Variants in RXFP2 observed in about 807,000 individuals in gnomAD.
RXFP2 encodes the protein relaxin receptor 2.
RXFP2 carries 68 observed loss-of-function variants against 88.6 expected under a neutral mutation model. That is an observed-to-expected ratio of 0.77 (90% CI 0.63 to 0.94). The LOEUF (loss-of-function observed/expected upper bound fraction) is 0.94, where lower values mean the gene tolerates loss of function less well. RXFP2 is among the 40% of genes least tolerant of loss of function. RXFP2 has a pLI of 0.00. For synonymous variants in RXFP2, 329 were observed against 306.8 expected (o/e 1.07, Z -0.76); for missense variants, 791 against 893.9 (o/e 0.88, Z 1.47).
At chr13:31,774,215 G>C (rs1872840069) in intron 5 of RXFP2, among the ~76,000 whole-genome samples, 1 of 152,184 alleles carries the variant, frequency 6.6e-6, no homozygotes, top group Non-Finnish European at 1.5e-5. Flanking sequence ...AATAGAATAA[G>C]GATAAATGAG....
chr13:31,771,403 A>G (rs1442671346), intron 5 of RXFP2, among the ~76,000 whole-genome samples: 1 of 152,232 alleles, frequency 6.6e-6, no homozygotes, highest in Non-Finnish European at 1.5e-5. Flanking sequence ...TGTGAACTGC[A>G]CATGCAAGGG....
intron 16 of RXFP2, among the ~76,000 whole-genome samples, chr13:31,795,523 G>C (rs1873990417): frequency 6.6e-6 from 1 of 152,234 alleles, no homozygotes; most frequent in Admixed American, 6.5e-5. Flanking sequence ...TTCTAACAGA[G>C]TGATTATCTT....
In RXFP2 at chr13:31,802,474, T is replaced by C; in HGVS notation, c.*69T>C. ...AGGGGACAGCTTTTGGAAGATGACA[T>C]CTGCAATGCTTTTCATCTTTACCAA... On this transcript the variant is annotated 3_prime_UTR_variant, in exon 18 of 18. Coordinates refer to ENST00000298386, the MANE Select transcript of RXFP2 (RefSeq NM_130806.5). The C allele has an allele frequency of 6.7e-7, 1 of 1,501,094 alleles. No homozygotes were observed. The highest frequency in any genetic ancestry group is 9.2e-7 in the Non-Finnish European group (1 of 1,084,154). 93.0% of individuals were successfully genotyped at this position (1,501,094 alleles called of 1,614,324 possible).
chr13:31,785,210 T>C (rs1873474438), intron 11 of RXFP2, among the ~76,000 whole-genome samples: 2 of 152,100 alleles, frequency 1.3e-5, no homozygotes, highest in Admixed American at 1.3e-4. Flanking sequence ...CTTGGGGACT[T>C]GGATGCTTGG....
intron 1 of RXFP2, among the ~76,000 whole-genome samples, chr13:31,748,142 C>G (rs1344377702): frequency 6.6e-6 from 1 of 152,132 alleles, no homozygotes; most frequent in East Asian, 1.9e-4. Context: ...TTCAAAGACA[C>G]TTGGATTATT....
chr13:31,768,889 T>G (rs1038383080), intron 5 of RXFP2, among the ~76,000 whole-genome samples: 1 of 152,132 alleles, frequency 6.6e-6, no homozygotes, highest in Admixed American at 6.5e-5. Context: ...CCTCATTCAA[T>G]GACCCAAATA....
chr13:31,743,882 A>T (rs1457275037), intron 1 of RXFP2, among the ~76,000 whole-genome samples: 1 of 148,498 alleles, frequency 6.7e-6, no homozygotes, highest in Non-Finnish European at 1.5e-5. Flanking sequence ...GCTACATCCC[A>T]TTCTCGGTAA....
intron 13 of RXFP2, 72 bp from the exon 14 acceptor site, chr13:31,789,050 G>A (rs1042101098): frequency 4.4e-6 from 4 of 913,220 alleles, no homozygotes; most frequent in Non-Finnish European, 7.3e-6. Context: ...TTATATTTCG[G>A]ATATGATGAA....
At chr13:31,771,638 A>T (rs1250496671) in intron 5 of RXFP2, among the ~76,000 whole-genome samples, 1 of 151,892 alleles carries the variant, frequency 6.6e-6, no homozygotes, top group African/African-American at 2.4e-5. Context: ...AATACAACAA[A>T]AACATTAGCT....
intron 5 of RXFP2, among the ~76,000 whole-genome samples, chr13:31,771,310 T>C (rs1208601330): frequency 6.6e-6 from 1 of 152,214 alleles, no homozygotes; most frequent in Non-Finnish European, 1.5e-5. Flanking sequence ...AGGTGAGTGG[T>C]GAGCGAGCAA....
At chr13:31,789,317 T>C (rs1873695134) in intron 14 of RXFP2, 124 bp downstream of exon 14, 1 of 719,478 alleles carries the variant, frequency 1.4e-6, no homozygotes, top group African/African-American at 1.7e-5. Flanking sequence ...TTGAGAACTT[T>C]TTAATTTTGT....
chr13:31,796,400 T>C (rs968963872), intron 16 of RXFP2, among the ~76,000 whole-genome samples: 3 of 151,902 alleles, frequency 2.0e-5, no homozygotes, highest in African/African-American at 7.2e-5. Flanking sequence ...TTTTATTCAT[T>C]TATTAAAATT....
intron 1 of RXFP2, among the ~76,000 whole-genome samples, chr13:31,747,658 AC>A (rs1312381230): frequency 6.6e-6 from 1 of 152,168 alleles, no homozygotes; most frequent in Non-Finnish European, 1.5e-5. Flanking sequence ...AGAACTGAAA[AC>A]TTTTCTAGCC....
At chr13:31,746,880 T>C (rs1165741185) in intron 1 of RXFP2, among the ~76,000 whole-genome samples, 1 of 152,196 alleles carries the variant, frequency 6.6e-6, no homozygotes, top group Non-Finnish European at 1.5e-5. Context: ...TAAGAGCCAC[T>C]GTAAAAGTAT....
chr13:31,783,836 T>C (rs1457556513), intron 11 of RXFP2, among the ~76,000 whole-genome samples: 7 of 151,988 alleles, frequency 4.6e-5, no homozygotes, highest in South Asian at 4.2e-4. Context: ...TGTTTTGAGA[T>C]GGATTTTTTT....
At chr13:31,748,248 G>A (rs542524780) in intron 1 of RXFP2, among the ~76,000 whole-genome samples, 2 of 152,168 alleles carry the variant, frequency 1.3e-5, no homozygotes, top group South Asian at 4.1e-4. Context: ...CATTTACCTA[G>A]AAGTAAATCT....
At chr13:31,759,210 G>A (rs1395591597) in intron 2 of RXFP2, among the ~76,000 whole-genome samples, 1 of 151,474 alleles carries the variant, frequency 6.6e-6, no homozygotes, top group Non-Finnish European at 1.5e-5. Context: ...GTTCACATGG[G>A]TAATGTGAAC....
Position 31,797,221 on chromosome 13 carries a change from C to G in RXFP2, c.1807C>G (p.Leu603Val), listed in dbSNP as rs758304968. 3 of 1,613,444 alleles carry G rather than the reference C, an allele frequency of 1.9e-6. No individual in the cohort carries two copies. Among genetic ancestry groups the G allele is most frequent in the South Asian group, 2.2e-5 (2 of 91,064 alleles). ...AACAGGTGTGAACTTGCTGGCTTTT[C>G]TCATCATTGTGTTTTCCTATATTAC... ...IFLGVNLLAF[L>V]IIVFSYITMF... The change falls in exon 17 of 18, where the codon CTC becomes GTC. Residue 603 changes from leucine to valine, a missense_variant. Coordinates refer to ENST00000298386, the MANE Select transcript of RXFP2 (RefSeq NM_130806.5).
intron 1 of RXFP2, among the ~76,000 whole-genome samples, chr13:31,754,642 A>G (rs895150216): frequency 6.6e-6 from 1 of 152,228 alleles, no homozygotes; most frequent in Non-Finnish European, 1.5e-5. Flanking sequence ...CTCTATTTCA[A>G]AATTCTCTTT....
Sources: allele counts gnomAD v4.1 joint callset (sites outside exome capture counted in the v4.1 genomes callset), GRCh38; gene constraint gnomAD v4.1.1; transcripts MANE v1.5; gene names NCBI Gene and HGNC (gene_info 2026-07-23, HGNC 2026-07-21).